Variants in ARIH2 observed in about 807,000 individuals in gnomAD.
ARIH2 encodes the protein E3 ubiquitin-protein ligase ARIH2.
In ARIH2, 12 loss-of-function variants were observed where a neutral mutation model predicts 79.8. The observed-to-expected ratio is 0.15, with a 90% CI of 0.10 to 0.24. ARIH2 has a LOEUF of 0.24. Ranked by LOEUF, ARIH2 falls within the 10% of genes least tolerant of loss-of-function variation. The pLI is 1.00. For synonymous variants in ARIH2, 224 were observed against 213.9 expected, an observed-to-expected ratio of 1.05 and a Z score of -0.41; for missense variants, 301 against 618.3, an observed-to-expected ratio of 0.49 and a Z score of 5.44.
intron 8 of ARIH2, 124 bp downstream of exon 8, chr3:48,970,828 T>C (rs2092180608): frequency 2.9e-6 from 2 of 679,912 alleles, no homozygotes; most frequent in Non-Finnish European, 5.2e-6. Context: ...ACAGAACAGC[T>C]GTGCTCCAAG....
At chr3:48,938,948 A>G (rs2087606307) in intron 3 of ARIH2, among the ~76,000 whole-genome samples, 1 of 147,954 alleles carries the variant, frequency 6.8e-6, no homozygotes, top group Non-Finnish European at 1.5e-5. Context: ...AACCAACTAC[A>G]TAAAAACAAA....
intron 14 of ARIH2, among the ~76,000 whole-genome samples, chr3:48,982,530 G>T (rs188956527): frequency 1.0e-3 from 154 of 152,186 alleles, no homozygotes; most frequent in Non-Finnish European, 1.9e-3. Flanking sequence ...TGATTTGCTG[G>T]AGGACTGAAA....
chr3:48,954,147 C>T (rs561654833), intron 3 of ARIH2, among the ~76,000 whole-genome samples: 4 of 151,080 alleles, frequency 2.6e-5, no homozygotes, highest in South Asian at 2.1e-4. Context: ...GGGACAGGAG[C>T]GAGACTTTGT....
intron 3 of ARIH2, among the ~76,000 whole-genome samples, chr3:48,931,338 G>A (rs1211726952): frequency 6.6e-6 from 1 of 152,120 alleles, no homozygotes; most frequent in Non-Finnish European, 1.5e-5. Flanking sequence ...GAGGTCAGGA[G>A]ATCAAGATCA....
chr3:48,947,441 CA>C (rs71077757), intron 3 of ARIH2, among the ~76,000 whole-genome samples: 74 of 118,952 alleles, frequency 6.2e-4, no homozygotes, highest in Non-Finnish European at 8.9e-4. Context: ...AACTCTGTCT[CA>C]AAAAAAAAAA....
rs1381191341 is a variant in ARIH2, at chr3:48,934,559, G to A, written c.255+6746G>A. On this transcript the variant is annotated intron_variant, in intron 3 of 15. Transcript: ENST00000356401. ...TTGTGATCTGATGTGAGCTGTCTTT[G>A]CATGCCTCTATCTAAGTAGAACTTA... is the stretch of plus-strand genomic sequence containing the variant. The A allele has an allele frequency of 3.0e-6, 3 of 985,240 alleles. No individual in the cohort carries two copies. The African/African-American group carries it at 5.2e-5, about 17-fold the overall frequency. 61.0% of individuals were successfully genotyped at this position (985,240 alleles called of 1,614,324 possible). A position where few individuals can be genotyped will look rare whatever the true frequency, so the allele number is the denominator to read the frequency against.
chr3:48,936,125 T>C (rs2087078766), intron 3 of ARIH2, among the ~76,000 whole-genome samples: 1 of 152,180 alleles, frequency 6.6e-6, no homozygotes, highest in Non-Finnish European at 1.5e-5. Flanking sequence ...CACTACTTAG[T>C]GTTTACTTGT....
chr3:48,977,927 C>T (rs1446636014), intron 11 of ARIH2, among the ~76,000 whole-genome samples: 2 of 152,064 alleles, frequency 1.3e-5, no homozygotes, highest in Admixed American at 1.3e-4. Context: ...TTGGGGAAGT[C>T]AGTAAGCCAA....
intron 8 of ARIH2, among the ~76,000 whole-genome samples, chr3:48,972,126 G>T (rs1043301581): frequency 6.6e-6 from 1 of 152,186 alleles, no homozygotes; most frequent in East Asian, 1.9e-4. Flanking sequence ...TCTGAGCTAA[G>T]GAGTCCTTCT....
rs913227054 is a variant in ARIH2 at position 48,979,808 on chromosome 3, G to C, written c.1113+175G>C. On this transcript the variant is annotated intron_variant, in intron 12 of 15. Transcript: ENST00000356401. ...ATAGATGTGCCTTTCAAGCTCTATA[G>C]GGTATATCCCCAGCCAACAGGGAAG... 55 of 636,804 alleles carry C rather than the reference G, an allele frequency of 8.6e-5. No individual in the cohort carries two copies. In the South Asian group the frequency reaches 1.3e-3, roughly 15 times the overall value. 39.4% of individuals were successfully genotyped at this position (636,804 alleles called of 1,614,324 possible).
chr3:48,955,703 C>T lies in ARIH2; in HGVS notation c.256-5909C>T, dbSNP rs558372840. ...TGTTTGTACTCAGACAGATTTTTAC[C>T]TTTAATCTGGCTTAATATTGTTTAG... On this transcript the variant is annotated intron_variant, in intron 3 of 15. Transcript: ENST00000356401. Among the ~76,000 whole-genome samples the T allele has an allele frequency of 2.8e-3, 433 of 152,224 alleles. 4 individuals are homozygous for T. Among genetic ancestry groups the T allele is most frequent in the African/African-American group, 9.9e-3 (411 of 41,544 alleles).
chr3:48,983,346 C>A lies in ARIH2; in HGVS notation c.*76C>A. ...CGGCTGCCATACTGCATGCTGCAGGCTCTGCCTTTCATGACCCCAGGCAAC... is the reference window on the plus strand; with the variant it reads ...CGGCTGCCATACTGCATGCTGCAGGATCTGCCTTTCATGACCCCAGGCAAC... On this transcript the variant is annotated 3_prime_UTR_variant, in exon 16 of 16. Transcript: ENST00000356401. 2 of 1,484,704 alleles carry A rather than the reference C, an allele frequency of 1.3e-6. No homozygotes were observed. The highest frequency in any genetic ancestry group is 1.9e-6 in the Non-Finnish European group (2 of 1,066,126). The allele number at this position is 1,484,704 out of a possible 1,614,324, so 92.0% of individuals were successfully genotyped here.
chr3:48,928,054 A>T (rs1427610029), intron 3 of ARIH2: 1 of 502,798 alleles, frequency 2.0e-6, no homozygotes, highest in Non-Finnish European at 3.5e-6. Context: ...GACAGATTCA[A>T]GAAAGATGTA....
rs564717188 is a variant in ARIH2 at position 48,949,699 on chromosome 3, G to A, written c.256-11913G>A. Among the ~76,000 whole-genome samples, 65 of 152,152 alleles carry A rather than the reference G, an allele frequency of 4.3e-4. 1 individual carries two copies. The highest frequency in any genetic ancestry group is 6.8e-3 in the Middle Eastern group (2 of 294). ...AAATGTCTGTTCAAATACTTTGTCT[G>A]TTTTTAAAAATTGCATTTTGTGCCT... On this transcript the variant is annotated intron_variant, in intron 3 of 15. Coordinates refer to ENST00000356401, the MANE Select transcript of ARIH2 (RefSeq NM_006321.4).
intron 3 of ARIH2, among the ~76,000 whole-genome samples, chr3:48,932,298 A>G (rs1437953374): frequency 3.3e-5 from 5 of 152,212 alleles, no homozygotes; most frequent in Non-Finnish European, 5.9e-5. Context: ...GGAATAGTCA[A>G]ATGAGATGAA....
At chr3:48,936,143 G>T (rs764177104) in intron 3 of ARIH2, among the ~76,000 whole-genome samples, 55 of 151,830 alleles carry the variant, frequency 3.6e-4, no homozygotes, top group Non-Finnish European at 5.3e-4. Context: ...TGTTTTGGGG[G>T]TTCTTGTTAT....
intron 7 of ARIH2, among the ~76,000 whole-genome samples, chr3:48,969,471 CTTTTCT>C (rs1452081916): frequency 6.6e-6 from 1 of 151,064 alleles, no homozygotes; most frequent in Non-Finnish European, 1.5e-5. Context: ...ATATAATTTT[CTTTTCT>C]TTTTCTTTTT....
chr3:48,950,536 T>A (rs1302194891), intron 3 of ARIH2, among the ~76,000 whole-genome samples: 1 of 152,212 alleles, frequency 6.6e-6, no homozygotes, highest in Non-Finnish European at 1.5e-5. Context: ...TTCTACAGAT[T>A]TTGCAATCAA....
chr3:48,979,558 T>C lies in ARIH2; in HGVS notation c.1038T>C (p.Asn346=). 1 of 1,614,222 alleles carries C rather than the reference T, an allele frequency of 6.2e-7. No homozygotes were observed. The highest frequency in any genetic ancestry group is 1.1e-5 in the South Asian group (1 of 91,088). ...ATGAGTGCAGTCGTTACAAGGAGAA[T>C]CCTGACATCGTGAACCAGAGCCAAC... is the stretch of plus-strand genomic sequence containing the variant. ...EYYECSRYKE[N]PDIVNQSQQA... Residue 346 remains asparagine (N), a synonymous_variant, in exon 12 of 16, where the codon AAT becomes AAC. Coordinates refer to ENST00000356401, the MANE Select transcript of ARIH2 (RefSeq NM_006321.4).
Sources: gnomAD v4.1 joint callset for allele counts (sites outside exome capture counted in the v4.1 genomes callset) on GRCh38, gnomAD v4.1.1 for gene constraint, MANE v1.5 for transcripts, NCBI Gene and HGNC (gene_info 2026-07-23, HGNC 2026-07-21) for gene names.